TTLL11: variants seen among roughly 807,000 people sequenced by gnomAD.
The protein encoded by TTLL11 is tubulin polyglutamylase TTLL11.
In TTLL11, 42 loss-of-function variants were observed where a neutral mutation model predicts 51.7. That is an observed-to-expected ratio of 0.81 (90% CI 0.64 to 1.05). The LOEUF is 1.05. TTLL11 is among the 50% of genes least tolerant of loss of function. The probability of loss-of-function intolerance (pLI) is 0.00; values close to 1 mark genes in which losing one functional copy is unlikely to be tolerated. For synonymous variants in TTLL11, 381 were observed against 383.5 expected (o/e 0.99, Z 0.08); for missense variants, 799 against 940.4 (o/e 0.85, Z 1.97).
In TTLL11 at chr9:121,989,588, G is replaced by A; in HGVS notation, c.876C>T (p.Asp292=). The A allele has an allele frequency of 6.2e-7, 1 of 1,614,172 alleles. No individual in the cohort carries two copies. The highest frequency in any genetic ancestry group is 8.5e-7 in the Non-Finnish European group (1 of 1,180,034). The part of the protein sequence containing the change: ...QEYICKPLLI[D]KLKFDIRLYV... ...ACAGACGAATATCAAACTTGAGCTTGTCGATAAGGAGAGGTTTGCAGATGT... is the reference window on the plus strand; with the variant it reads ...ACAGACGAATATCAAACTTGAGCTTATCGATAAGGAGAGGTTTGCAGATGT... Residue 292 remains aspartate (D), a synonymous_variant, in exon 4 of 9, where the codon GAC becomes GAT. Coordinates refer to ENST00000321582, the MANE Select transcript of TTLL11 (RefSeq NM_001139442.2). This position sits in a 1 kb window ranked among gnomAD's most constrained non-coding sequence, Gnocchi z 4.2.
At chr9:121,940,560 G>C (rs1000454519) in intron 6 of TTLL11, among the ~76,000 whole-genome samples, 1 of 151,844 alleles carries the variant, frequency 6.6e-6, no homozygotes. Flanking sequence ...ACTATGTCTC[G>C]AACTCCTGAC....
chr9:122,086,513 T>G (rs1689126620), intron 1 of TTLL11, among the ~76,000 whole-genome samples: 2 of 152,162 alleles, frequency 1.3e-5, no homozygotes, highest in African/African-American at 4.8e-5. Context: ...GACTACCCAA[T>G]ATTTCATTTT....
intron 1 of TTLL11, among the ~76,000 whole-genome samples, chr9:122,045,300 C>A (rs1844973220): frequency 6.6e-6 from 1 of 152,064 alleles, no homozygotes; most frequent in African/African-American, 2.4e-5. Context: ...CCCCTGTAAT[C>A]CCAGCACTTT....
intron 6 of TTLL11, among the ~76,000 whole-genome samples, chr9:121,912,273 G>A (rs1840154223): frequency 6.6e-6 from 1 of 152,176 alleles, no homozygotes; most frequent in African/African-American, 2.4e-5. Context: ...AGGCCATGTG[G>A]TGCCTGCCAG....
chr9:122,064,974 C>A (rs1845539491), intron 1 of TTLL11, among the ~76,000 whole-genome samples: 1 of 152,146 alleles, frequency 6.6e-6, no homozygotes, highest in African/African-American at 2.4e-5. Flanking sequence ...ATAATGTGAG[C>A]CTTGGTGCTT....
chr9:122,012,663 T>TAC (rs949997703), intron 3 of TTLL11, among the ~76,000 whole-genome samples: 6 of 74,008 alleles, frequency 8.1e-5, no homozygotes, highest in South Asian at 3.3e-4. Flanking sequence ...AAAATACACA[T>TAC]ACACACACAC....
intron 3 of TTLL11, among the ~76,000 whole-genome samples, chr9:122,007,150 G>A (rs1345924165): frequency 2.0e-5 from 3 of 152,004 alleles, no homozygotes; most frequent in African/African-American, 4.8e-5. Flanking sequence ...AGGGGAGAGG[G>A]CACTGGAATG....
At chr9:122,044,339 A>G (rs1844940316) in intron 1 of TTLL11, among the ~76,000 whole-genome samples, 2 of 151,624 alleles carry the variant, frequency 1.3e-5, no homozygotes, top group South Asian at 4.2e-4. Context: ...GTGTCTTTAT[A>G]GCAGCATGAT....
intron 8 of TTLL11, among the ~76,000 whole-genome samples, chr9:121,833,072 A>G (rs1837073795): frequency 6.6e-6 from 1 of 152,184 alleles, no homozygotes; most frequent in Non-Finnish European, 1.5e-5. Flanking sequence ...AGCCTCATCT[A>G]TCTCTGCTGG....
At chr9:122,027,871 G>A (rs1004167853) in intron 3 of TTLL11, among the ~76,000 whole-genome samples, 4 of 152,234 alleles carry the variant, frequency 2.6e-5, no homozygotes, top group African/African-American at 9.6e-5. Context: ...AAAGACAAAT[G>A]TACTAATCTT....
chr9:121,950,209 T>C (rs1240202936), intron 6 of TTLL11, among the ~76,000 whole-genome samples: 1 of 152,094 alleles, frequency 6.6e-6, no homozygotes, highest in Non-Finnish European at 1.5e-5. Flanking sequence ...CTGCACCCCG[T>C]ATCACCGCAC....
chr9:121,979,593 T>G (rs189960914), intron 4 of TTLL11, among the ~76,000 whole-genome samples: 2 of 152,278 alleles, frequency 1.3e-5, no homozygotes, highest in Admixed American at 1.3e-4. Context: ...TAAAAAGCTT[T>G]CTAGACCTGG....
chr9:122,003,350 A>C (rs1843537722), intron 3 of TTLL11, among the ~76,000 whole-genome samples: 1 of 151,958 alleles, frequency 6.6e-6, no homozygotes, highest in Non-Finnish European at 1.5e-5. Context: ...ATAATGTCAT[A>C]TATAAGATAT....
chr9:122,018,404 G>A (rs555434498), intron 3 of TTLL11, among the ~76,000 whole-genome samples: 9 of 152,228 alleles, frequency 5.9e-5, no homozygotes, highest in Admixed American at 2.6e-4. Context: ...GAGCCACCGC[G>A]CCCGGCCAGT....
chr9:122,067,553 G>A (rs559951735), intron 1 of TTLL11, among the ~76,000 whole-genome samples: 23 of 152,236 alleles, frequency 1.5e-4, no homozygotes, highest in African/African-American at 4.1e-4. Flanking sequence ...ACAGAGTCTC[G>A]TTCTGTCACC....
chr9:121,882,604 T>C (rs1309721336), intron 6 of TTLL11, among the ~76,000 whole-genome samples: 2 of 152,108 alleles, frequency 1.3e-5, no homozygotes, highest in Non-Finnish European at 2.9e-5. Context: ...GTCCTCTAAG[T>C]CCCTGTCCTT....
chr9:121,965,134 T>C (rs1842363071), intron 6 of TTLL11, among the ~76,000 whole-genome samples: 1 of 152,234 alleles, frequency 6.6e-6, no homozygotes, highest in Admixed American at 6.5e-5. Flanking sequence ...GACTTTTTTA[T>C]TTATGTAAAA....
rs1304672756 is a variant in TTLL11, at chr9:121,821,380, A to C, written c.*1207T>G. On this transcript the variant is annotated 3_prime_UTR_variant, in exon 9 of 9. Transcript: ENST00000321582. This position sits in a 1 kb window ranked among gnomAD's most constrained non-coding sequence, Gnocchi z 5.0. ...ACTAGCGCCTCAAATACTTTCCTGC[A>C]CCTCGCTTGGAGCACGATGACTGAC... 6.6e-6 allele frequency among the ~76,000 whole-genome samples: 1 copy of C among 152,066 alleles called. No individual in the cohort carries two copies.
chr9:122,044,839 G>A (rs1460128209), intron 1 of TTLL11, among the ~76,000 whole-genome samples: 5 of 152,152 alleles, frequency 3.3e-5, no homozygotes, highest in African/African-American at 4.8e-5. Flanking sequence ...GCTGGGCGAG[G>A]TGGCACACAC....
Sources: allele counts gnomAD v4.1 joint callset (sites outside exome capture counted in the v4.1 genomes callset), GRCh38; gene constraint gnomAD v4.1.1; non-coding constraint Gnocchi (gnomAD v3.1); transcripts MANE v1.5; gene names NCBI Gene and HGNC (gene_info 2026-07-23, HGNC 2026-07-21).